MYOM1: variants seen among roughly 807,000 people sequenced by gnomAD.
The protein encoded by MYOM1 is myomesin-1.
Under a neutral mutation model 205.3 loss-of-function variants are expected in MYOM1, and 164 were observed. The observed-to-expected ratio is 0.80, with a 90% CI of 0.70 to 0.91. The LOEUF (loss-of-function observed/expected upper bound fraction) is 0.91, where lower values mean the gene tolerates loss of function less well. MYOM1 is among the 40% of genes least tolerant of loss of function. The pLI is 0.00. For synonymous variants in MYOM1, 772 were observed against 789.4 expected (o/e 0.98, Z 0.37); for missense variants, 2,011 against 2,127.3 (o/e 0.95, Z 1.08).
chr18:3,229,692 G>A, the MYOM1 span, among the ~76,000 whole-genome samples: 13,205 of 152,108 alleles, frequency 0.087, 643 homozygotes, highest in African/African-American at 0.13. Flanking sequence ...AGATGTGGCC[G>A]GGCGCGGTGG....
At chr18:3,164,654 G>A (rs1178416612) in intron 9 of MYOM1, among the ~76,000 whole-genome samples, 3 of 152,084 alleles carry the variant, frequency 2.0e-5, no homozygotes, top group African/African-American at 4.8e-5. Context: ...TAATCCGCAG[G>A]GGCCTCGTGT....
the MYOM1 span, chr18:3,246,660 C>T: frequency 6.6e-6 from 1 of 152,256 alleles, no homozygotes; most frequent in South Asian, 2.1e-4. Context: ...TACAGCAACA[C>T]TGTCCGTTCC....
At chr18:3,201,569 C>T (rs9952548) in intron 2 of MYOM1, among the ~76,000 whole-genome samples, 33,770 of 151,540 alleles carry the variant, frequency 0.22, 3,793 homozygotes, top group African/African-American at 0.27. Flanking sequence ...AGTTTATACA[C>T]ACATATGTAT....
intron 8 of MYOM1, among the ~76,000 whole-genome samples, chr18:3,169,328 G>C (rs2080520254): frequency 6.6e-6 from 1 of 152,126 alleles, no homozygotes; most frequent in African/African-American, 2.4e-5. Flanking sequence ...TGTAATTTTA[G>C]ATGTTGAGTT....
chr18:3,191,879 G>T (rs1402914360), intron 3 of MYOM1, among the ~76,000 whole-genome samples: 1 of 151,894 alleles, frequency 6.6e-6, no homozygotes, highest in Non-Finnish European at 1.5e-5. Flanking sequence ...TGTATTTTTA[G>T]TAGAGACCGG....
chr18:3,171,845 T>C (rs997591262), intron 8 of MYOM1, among the ~76,000 whole-genome samples: 1 of 152,220 alleles, frequency 6.6e-6, no homozygotes, highest in African/African-American at 2.4e-5. Flanking sequence ...CAGAGTTGAG[T>C]GGCTGTGACA....
rs570130468 is a variant in MYOM1 at position 3,124,575 on chromosome 18, T to C, written c.2991+2126A>G. On this transcript the variant is annotated intron_variant, in intron 19 of 37. Transcript: ENST00000356443. Reference sequence around the variant, plus strand: ...CGATCTCCTGACCTCATGATCCACCTGCCTCGGCCTCCCAAAGTGCTGGGA... The same window carrying C: ...CGATCTCCTGACCTCATGATCCACCCGCCTCGGCCTCCCAAAGTGCTGGGA... Among the ~76,000 whole-genome samples, 11 of 151,352 alleles carry C rather than the reference T, an allele frequency of 7.3e-5. 1 individual carries two copies. In the South Asian group the frequency reaches 2.3e-3, roughly 32 times the overall value.
At chr18:3,215,357 G>A (rs930015397) in intron 1 of MYOM1, 106 bp from the exon 2 acceptor site, 1 of 929,798 alleles carries the variant, frequency 1.1e-6, no homozygotes, top group Non-Finnish European at 1.6e-6. Context: ...TGGGTGCGGT[G>A]GTTCATGCTT....
chr18:3,215,476 G>C (rs1259832699), intron 1 of MYOM1, among the ~76,000 whole-genome samples: 1 of 152,066 alleles, frequency 6.6e-6, no homozygotes, highest in Non-Finnish European at 1.5e-5. Flanking sequence ...TGGTGTGTGT[G>C]TCTGTAGTCC....
intron 10 of MYOM1, among the ~76,000 whole-genome samples, chr18:3,161,214 G>A (rs1476397016): frequency 1.3e-5 from 2 of 152,214 alleles, no homozygotes; most frequent in African/African-American, 4.8e-5. Context: ...TGCCTTTGTG[G>A]TGGAGAAAGC....
chr18:3,099,953 GT>G (rs2079355473), intron 25 of MYOM1, among the ~76,000 whole-genome samples: 1 of 152,178 alleles, frequency 6.6e-6, no homozygotes, highest in African/African-American at 2.4e-5. Context: ...TATTTTCTAT[GT>G]TAGTATCCTT....
At chr18:3,138,854 C>T (rs1201545794) in intron 14 of MYOM1, among the ~76,000 whole-genome samples, 2 of 152,126 alleles carry the variant, frequency 1.3e-5, no homozygotes, top group Non-Finnish European at 2.9e-5. Flanking sequence ...TGAAAGGTGG[C>T]CCAGTGTAAT....
rs1567895993 is a variant in MYOM1 at position 3,083,421 on chromosome 18, CTTTTTCTT to C, written c.4484+360_4484+367del. Among the ~76,000 whole-genome samples, 40 of 94,154 alleles carry C rather than the reference CTTTTTCTT, an allele frequency of 4.2e-4. 1 individual carries two copies. The highest frequency in any genetic ancestry group is 1.4e-3 in the African/African-American group (39 of 28,566). The allele number at this position is 94,154 out of a possible 152,430, so 61.8% of individuals were successfully genotyped here. On this transcript the variant is annotated intron_variant, in intron 33 of 37. Coordinates refer to ENST00000356443, the MANE Select transcript of MYOM1 (RefSeq NM_003803.4). ...TTTCTTTCTTTTCTTTTTTCTTTTT[CTTTTTCTT>C]TTTTTTTTTTTTTTTTTGAGACAGT...
chr18:3,200,319 T>G (rs1016250509), intron 2 of MYOM1, among the ~76,000 whole-genome samples: 1 of 152,230 alleles, frequency 6.6e-6, no homozygotes, highest in Admixed American at 6.5e-5. Context: ...ATAAAAGTTA[T>G]GAGACATGCC....
At chr18:3,233,032 A>C in the MYOM1 span, among the ~76,000 whole-genome samples, 1 of 152,242 alleles carries the variant, frequency 6.6e-6, no homozygotes, top group Non-Finnish European at 1.5e-5. Context: ...AAGAGCATAT[A>C]ATAGAAATAA....
At position 3,075,863 on chromosome 18, in the gene MYOM1, C is replaced by T. The variant is rs1403931025; in HGVS notation, c.4649-102G>A. The stretch of plus-strand genomic sequence containing the variant: ...TGGAGATTGCTGTGATCGGTCCAGA[C>T]ATGACTAAACCGACTTTGATTAAGA... On this transcript the variant is annotated intron_variant, in intron 34 of 37. Transcript: ENST00000356443. The T allele has an allele frequency of 8.8e-6, 9 of 1,021,426 alleles. No homozygotes were observed. The African/African-American group carries it at 1.3e-4, about 15-fold the overall frequency. The allele number at this position is 1,021,426 out of a possible 1,614,324, so 63.3% of individuals were successfully genotyped here.
chr18:3,163,521 C>T (rs1165571862), intron 10 of MYOM1, among the ~76,000 whole-genome samples: 2 of 152,076 alleles, frequency 1.3e-5, no homozygotes, highest in Non-Finnish European at 2.9e-5. Context: ...GGCATAATCT[C>T]AGCCAACTTG....
Position 3,094,262 on chromosome 18 carries a change from C to T in MYOM1, c.3772G>A (p.Gly1258Ser), listed in dbSNP as rs752486832. 33 of 1,613,794 alleles carry T rather than the reference C, an allele frequency of 2.0e-5. No homozygotes were observed. The highest frequency in any genetic ancestry group is 2.7e-5 in the Non-Finnish European group (32 of 1,179,816). The change falls in exon 26 of 38, where the codon GGC (glycine) becomes AGC (serine). Residue 1258 changes from glycine (G) to serine (S), a missense_variant. Transcript: ENST00000356443. ...SELAVEILEK[G>S]QVRFWMQAEK... ...GCCTGCATCCAAAACCGGACCTGGC[C>T]TTTCTCCAAAATTTCAACTGCCAAC... is the stretch of plus-strand genomic sequence containing the variant.
intron 13 of MYOM1, among the ~76,000 whole-genome samples, chr18:3,143,946 C>T (rs1296635727): frequency 6.7e-6 from 1 of 149,288 alleles, no homozygotes; most frequent in Non-Finnish European, 1.5e-5. Context: ...GTGGCTCACA[C>T]CTGTAATCCC....
Sources: gnomAD v4.1 joint callset for allele counts (sites outside exome capture counted in the v4.1 genomes callset) on GRCh38, gnomAD v4.1.1 for gene constraint, MANE v1.5 for transcripts, NCBI Gene and HGNC (gene_info 2026-07-23, HGNC 2026-07-21) for gene names.